Variants in PCDH9 observed in about 807,000 individuals in gnomAD.
The protein encoded by PCDH9 is protocadherin-9.
In PCDH9, 24 loss-of-function variants were observed where a neutral mutation model predicts 70.6. The observed-to-expected ratio is 0.34, with a 90% CI of 0.25 to 0.48. The LOEUF (loss-of-function observed/expected upper bound fraction) is 0.48, where lower values mean the gene tolerates loss of function less well. PCDH9 is among the 20% of genes least tolerant of loss of function. PCDH9 has a pLI of 0.99. For synonymous variants in PCDH9, 562 were observed against 558.5 expected (o/e 1.01, Z -0.09); for missense variants, 1,281 against 1,503.6 (o/e 0.85, Z 2.45).
intron 4 of PCDH9, among the ~76,000 whole-genome samples, chr13:66,428,628 C>T (rs1957714868): frequency 6.6e-6 from 1 of 151,532 alleles, no homozygotes; most frequent in Non-Finnish European, 1.5e-5. Context: ...ATAATGTCTA[C>T]CATAAAGCTT....
chr13:66,773,801 G>A (rs1425791399), intron 3 of PCDH9, among the ~76,000 whole-genome samples: 27 of 149,292 alleles, frequency 1.8e-4, no homozygotes, highest in African/African-American at 6.2e-4. Context: ...TTTTTTAGAC[G>A]GAGCTTCGCT....
intron 3 of PCDH9, among the ~76,000 whole-genome samples, chr13:66,824,988 T>A (rs2080792874): frequency 6.6e-6 from 1 of 151,802 alleles, no homozygotes; most frequent in Non-Finnish European, 1.5e-5. Flanking sequence ...AAATTGTGAA[T>A]CAGGGTTAAA....
chr13:66,988,709 C>T (rs1043961169), intron 2 of PCDH9, among the ~76,000 whole-genome samples: 1 of 151,870 alleles, frequency 6.6e-6, no homozygotes, highest in Admixed American at 6.6e-5. Flanking sequence ...GAGTTTGATT[C>T]AATAGGGACA....
At chr13:66,961,676 C>A (rs1378408683) in intron 2 of PCDH9, among the ~76,000 whole-genome samples, 1 of 151,906 alleles carries the variant, frequency 6.6e-6, no homozygotes, top group African/African-American at 2.4e-5. Flanking sequence ...GGCTGCAAAG[C>A]CAAAAATATC....
intron 3 of PCDH9, among the ~76,000 whole-genome samples, chr13:66,795,115 A>G (rs1205225353): frequency 6.6e-6 from 1 of 152,150 alleles, no homozygotes; most frequent in Non-Finnish European, 1.5e-5. Flanking sequence ...TCTTTTTAGT[A>G]TAAAATGAAT....
intron 4 of PCDH9, among the ~76,000 whole-genome samples, chr13:66,390,599 G>A (rs1957000944): frequency 6.6e-6 from 1 of 152,032 alleles, no homozygotes; most frequent in Non-Finnish European, 1.5e-5. Flanking sequence ...AGCTAGATGT[G>A]GTGGCACAAG....
intron 4 of PCDH9, among the ~76,000 whole-genome samples, chr13:66,613,723 G>A (rs1286040969): frequency 6.6e-6 from 1 of 152,088 alleles, no homozygotes; most frequent in Non-Finnish European, 1.5e-5. Context: ...TCTTCTGCCT[G>A]TCTGTGTGTG....
intron 4 of PCDH9, among the ~76,000 whole-genome samples, chr13:66,551,455 T>G (rs1413583136): frequency 3.9e-5 from 6 of 152,104 alleles, no homozygotes; most frequent in African/African-American, 1.4e-4. Context: ...AGGGGAAAAC[T>G]GAGAATGAGG....
chr13:67,047,504 G>A (rs1475715975), intron 2 of PCDH9, among the ~76,000 whole-genome samples: 2 of 152,002 alleles, frequency 1.3e-5, no homozygotes, highest in Non-Finnish European at 2.9e-5. Context: ...CTGTTCATTG[G>A]CAATTGACAT....
chr13:66,641,518 G>C (rs1036489961), intron 3 of PCDH9, among the ~76,000 whole-genome samples: 1 of 152,124 alleles, frequency 6.6e-6, no homozygotes, highest in African/African-American at 2.4e-5. Context: ...TGAGACTATT[G>C]ACAAATTACC....
intron 2 of PCDH9, among the ~76,000 whole-genome samples, chr13:67,029,722 G>A (rs758686963): frequency 2.6e-4 from 39 of 152,072 alleles, no homozygotes; most frequent in Admixed American, 1.4e-3. Context: ...ATTCTGACGA[G>A]AACATTTAAA....
chr13:66,696,506 T>C lies in PCDH9; in HGVS notation c.3139-65095A>G, dbSNP rs138656200. 2.0e-4 allele frequency among the ~76,000 whole-genome samples: 31 copies of C among 152,296 alleles called. No homozygotes were observed. In the East Asian group the frequency reaches 6.0e-3, roughly 29 times the overall value. ...TAACCTTTCCATAAAGAAGCAGCAGTATGCCTTGTTCATTTCACTGGGTCC... is the reference window on the plus strand; with the variant it reads ...TAACCTTTCCATAAAGAAGCAGCAGCATGCCTTGTTCATTTCACTGGGTCC... On this transcript the variant is annotated intron_variant, in intron 3 of 4. Transcript: ENST00000377865.
At chr13:66,897,441 T>A (rs1244705678) in intron 3 of PCDH9, among the ~76,000 whole-genome samples, 2 of 152,106 alleles carry the variant, frequency 1.3e-5, no homozygotes, top group African/African-American at 4.8e-5. Context: ...TTACTTGACT[T>A]AAGGAACATA....
chr13:66,730,862 T>G (rs1473942574), intron 3 of PCDH9, among the ~76,000 whole-genome samples: 1 of 87,914 alleles, frequency 1.1e-5, no homozygotes, highest in African/African-American at 4.4e-5. Flanking sequence ...GTTTTTGTTT[T>G]TTTGTGTGTG....
intron 2 of PCDH9, among the ~76,000 whole-genome samples, chr13:67,089,649 G>C (rs2086177428): frequency 6.6e-6 from 1 of 151,900 alleles, no homozygotes; most frequent in Non-Finnish European, 1.5e-5. Context: ...TAAGTATTTA[G>C]CTATATGTTA....
intron 4 of PCDH9, among the ~76,000 whole-genome samples, chr13:66,344,517 G>T (rs527579576): frequency 6.6e-6 from 1 of 152,222 alleles, no homozygotes; most frequent in South Asian, 2.1e-4. Context: ...AGTATTGCTG[G>T]TATATATTGG....
chr13:66,502,654 GA>G (rs1406006882), intron 4 of PCDH9, among the ~76,000 whole-genome samples: 1 of 84,042 alleles, frequency 1.2e-5, no homozygotes, highest in African/African-American at 4.2e-5. Flanking sequence ...AGCAGTTAAT[GA>G]AGAACAAAAC....
chr13:66,779,977 T>C (rs2079971781), intron 3 of PCDH9, among the ~76,000 whole-genome samples: 1 of 149,898 alleles, frequency 6.7e-6, no homozygotes, highest in Non-Finnish European at 1.5e-5. Context: ...GTGATATAGG[T>C]CAAAGGATAT....
At position 66,520,402 on chromosome 13, in the gene PCDH9, A is replaced by G. The variant is rs570981492; in HGVS notation, c.3340+110808T>C. ...AAATGCATTTACTTTTGTTCATAATACTGTGAGTGAGATAAGATTGGGTGG... is the reference window on the plus strand; with the variant it reads ...AAATGCATTTACTTTTGTTCATAATGCTGTGAGTGAGATAAGATTGGGTGG... On this transcript the variant is annotated intron_variant, in intron 4 of 4. Coordinates refer to ENST00000377865, the MANE Select transcript of PCDH9 (RefSeq NM_203487.3). 1.1e-4 allele frequency among the ~76,000 whole-genome samples: 16 copies of G among 152,338 alleles called. No homozygotes were observed. In the South Asian group the frequency reaches 2.7e-3, roughly 26 times the overall value.
Sources: gnomAD v4.1 joint callset for allele counts (sites outside exome capture counted in the v4.1 genomes callset) on GRCh38, gnomAD v4.1.1 for gene constraint, MANE v1.5 for transcripts, NCBI Gene and HGNC (gene_info 2026-07-23, HGNC 2026-07-21) for gene names.